Variants in SUPT3H observed in about 807,000 individuals in gnomAD.
SUPT3H encodes the protein SPT3 homolog, SAGA and STAGA complex component, also known as transcription initiation protein SPT3 homolog.
Under a neutral mutation model 44.3 loss-of-function variants are expected in SUPT3H, and 44 were observed. That is an observed-to-expected ratio of 0.99 (90% CI 0.78 to 1.28). The LOEUF is 1.28. SUPT3H is among the 50% of genes most tolerant of loss of function. The probability of loss-of-function intolerance (pLI) is 0.00; values close to 1 mark genes in which losing one functional copy is unlikely to be tolerated. For missense variants in SUPT3H, 380 were observed against 387.1 expected, an observed-to-expected ratio of 0.98 and a Z score of 0.15; for synonymous variants, 124 against 125.6, an observed-to-expected ratio of 0.99 and a Z score of 0.09.
At chr6:45,187,231 G>A (rs1288171861) in intron 2 of SUPT3H, among the ~76,000 whole-genome samples, 4 of 151,240 alleles carry the variant, frequency 2.6e-5, no homozygotes, top group African/African-American at 9.7e-5. Context: ...CCTGGCCAAC[G>A]TGGCGAAACA....
intron 9 of SUPT3H, among the ~76,000 whole-genome samples, chr6:44,948,253 A>C (rs573868868): frequency 2.0e-5 from 3 of 152,318 alleles, no homozygotes; most frequent in Non-Finnish European, 2.9e-5. Flanking sequence ...GATGGATTAA[A>C]GACTTAAATA....
chr6:44,898,196 C>G (rs114605214), intron 10 of SUPT3H, among the ~76,000 whole-genome samples: 1 of 152,126 alleles, frequency 6.6e-6, no homozygotes, highest in Non-Finnish European at 1.5e-5. Flanking sequence ...TGGTGGTAGC[C>G]AGCTTCCAGA....
intron 10 of SUPT3H, among the ~76,000 whole-genome samples, chr6:44,911,788 G>T (rs906497187): frequency 1.3e-5 from 2 of 152,130 alleles, no homozygotes; most frequent in East Asian, 1.9e-4. Flanking sequence ...ATTTGCAACT[G>T]CTGTGGATAC....
intron 6 of SUPT3H, among the ~76,000 whole-genome samples, chr6:45,003,023 A>G (rs1215744225): frequency 6.6e-6 from 1 of 152,162 alleles, no homozygotes; most frequent in African/African-American, 2.4e-5. Context: ...AAATGCAATA[A>G]ATCATTTTAC....
At chr6:45,243,172 T>C (rs1322799163) in intron 2 of SUPT3H, among the ~76,000 whole-genome samples, 1 of 112,926 alleles carries the variant, frequency 8.9e-6, no homozygotes, top group African/African-American at 3.7e-5. Context: ...CACTCCAGCC[T>C]GGGAAACAGA....
intron 2 of SUPT3H, among the ~76,000 whole-genome samples, chr6:45,208,852 ACCC>A (rs1763626164): frequency 1.2e-4 from 3 of 24,134 alleles, no homozygotes; most frequent in Admixed American, 6.6e-4. Context: ...AGACAGGCTG[ACCC>A]TCTTGTTAGG....
intron 3 of SUPT3H, among the ~76,000 whole-genome samples, chr6:45,033,141 G>GA (rs1392898054): frequency 1.3e-5 from 2 of 151,886 alleles, no homozygotes; most frequent in East Asian, 1.9e-4. Context: ...CAAGTAAGGG[G>GA]AAAAAAACAG....
intron 3 of SUPT3H, among the ~76,000 whole-genome samples, chr6:45,075,231 T>C (rs979084746): frequency 6.6e-6 from 1 of 152,220 alleles, no homozygotes; most frequent in African/African-American, 2.4e-5. Context: ...TTTCCACTTA[T>C]GTGCTTGTAC....
At chr6:45,231,292 A>T (rs975476760) in intron 2 of SUPT3H, among the ~76,000 whole-genome samples, 1 of 152,162 alleles carries the variant, frequency 6.6e-6, no homozygotes, top group African/African-American at 2.4e-5. Context: ...AGTAGTGATG[A>T]ATTCTCTCAG....
chr6:45,127,362 T>G (rs1802601446), intron 2 of SUPT3H, among the ~76,000 whole-genome samples: 1 of 152,100 alleles, frequency 6.6e-6, no homozygotes, highest in South Asian at 2.1e-4. Flanking sequence ...ACTGTCCTCA[T>G]ACACTGTCAT....
intron 10 of SUPT3H, among the ~76,000 whole-genome samples, chr6:44,912,135 G>A (rs1767142660): frequency 6.6e-6 from 1 of 152,148 alleles, no homozygotes; most frequent in Non-Finnish European, 1.5e-5. Context: ...ATTTTTAAGT[G>A]TACAAGTCAG....
At chr6:45,019,032 G>A (rs966233803) in intron 4 of SUPT3H, among the ~76,000 whole-genome samples, 3 of 152,226 alleles carry the variant, frequency 2.0e-5, no homozygotes, top group African/African-American at 4.8e-5. Flanking sequence ...AGATTCTGTT[G>A]TTGGTCTATT....
At chr6:45,263,891 C>G (rs571710814) in intron 2 of SUPT3H, among the ~76,000 whole-genome samples, 236 of 152,126 alleles carry the variant, frequency 1.6e-3, no homozygotes, top group Middle Eastern at 3.4e-3. Context: ...TTAAAAATAC[C>G]ACTAAAGTAA....
At chr6:44,979,946 C>G (rs1163562637) in intron 6 of SUPT3H, among the ~76,000 whole-genome samples, 2 of 152,166 alleles carry the variant, frequency 1.3e-5, no homozygotes, top group Non-Finnish European at 2.9e-5. Context: ...GAAGTACGTT[C>G]TTATCAATCC....
chr6:45,334,752 A>G (rs1233401900), intron 2 of SUPT3H, among the ~76,000 whole-genome samples: 1 of 150,842 alleles, frequency 6.6e-6, no homozygotes, highest in African/African-American at 2.4e-5. Flanking sequence ...AATAATGATT[A>G]TAAACCAGGA....
chr6:45,352,493 C>G (rs1001295805), intron 2 of SUPT3H, among the ~76,000 whole-genome samples: 2 of 152,006 alleles, frequency 1.3e-5, no homozygotes, highest in African/African-American at 2.4e-5. Context: ...ATGACAGCAA[C>G]AAAATTACCA....
intron 6 of SUPT3H, among the ~76,000 whole-genome samples, chr6:44,978,086 T>C (rs2153487660): frequency 6.6e-6 from 1 of 152,316 alleles, no homozygotes; most frequent in African/African-American, 2.4e-5. Flanking sequence ...CATATTCCAC[T>C]AACTTGATGT....
rs139359954 is a variant in SUPT3H at position 44,856,067 on chromosome 6, A to T, written c.913-26210T>A. ...AAGCTGCCCAAATGGTTCCAAATAT[A>T]GTTGAAGCACTTATTAATGTCAAGA... On this transcript the variant is annotated intron_variant, in intron 10 of 10. Coordinates refer to ENST00000371459, the MANE Select transcript of SUPT3H (RefSeq NM_003599.4). Among the ~76,000 whole-genome samples the T allele has an allele frequency of 2.6e-5, 4 of 152,320 alleles. No homozygotes were observed. In the East Asian group the frequency reaches 7.7e-4, roughly 29 times the overall value.
chr6:45,339,082 A>G (rs1186569744), intron 2 of SUPT3H, among the ~76,000 whole-genome samples: 4 of 152,204 alleles, frequency 2.6e-5, no homozygotes, highest in Non-Finnish European at 4.4e-5. Flanking sequence ...CTTGCCATAA[A>G]TATCTTGCAA....
Sources: allele counts gnomAD v4.1 joint callset (sites outside exome capture counted in the v4.1 genomes callset), GRCh38; gene constraint gnomAD v4.1.1; transcripts MANE v1.5; gene names NCBI Gene and HGNC (gene_info 2026-07-23, HGNC 2026-07-21).